TUSC3: variants seen among roughly 807,000 people sequenced by gnomAD.
TUSC3 encodes the protein dolichyl-diphosphooligosaccharide--protein glycosyltransferase subunit TUSC3.
In TUSC3, 45 loss-of-function variants were observed where a neutral mutation model predicts 44.8. The ratio of observed to expected loss-of-function variants is 1.00; its 90% CI spans 0.79 to 1.29. The LOEUF is 1.29. Ranked by LOEUF, TUSC3 falls within the 50% of genes most tolerant of loss-of-function variation. The pLI, the probability that TUSC3 is intolerant of heterozygous loss-of-function variation, is 0.00. For synonymous variants in TUSC3, 212 were observed against 152.9 expected (o/e 1.39, Z -2.85); for missense variants, 519 against 437.9 (o/e 1.19, Z -1.65).
intron 9 of TUSC3, among the ~76,000 whole-genome samples, chr8:15,755,496 C>G (rs181023511): frequency 4.3e-4 from 66 of 152,104 alleles, no homozygotes; most frequent in African/African-American, 1.6e-3. Context: ...AAGATTTTCC[C>G]TGAACCTTTT....
Position 15,623,261 on chromosome 8 carries a change from AATTAAAAAAT to A in TUSC3, c.308+21_308+30del. The stretch of plus-strand genomic sequence containing the variant: ...TGTTCTGTGTGCAGGTAATTTATGT[AATTAAAAAAT>A]ATTAAAAACTATTATTCTTGGTTTA... On this transcript the variant is annotated intron_variant, in intron 2 of 10. Coordinates refer to ENST00000503731, the MANE Select transcript of TUSC3 (RefSeq NM_006765.4). The A allele has an allele frequency of 6.4e-7, 1 of 1,572,858 alleles. No homozygotes were observed. Among genetic ancestry groups the A allele is most frequent in the Non-Finnish European group, 8.6e-7 (1 of 1,162,274 alleles).
intron 1 of TUSC3, among the ~76,000 whole-genome samples, chr8:15,552,331 T>C (rs777529800): frequency 1.3e-5 from 2 of 151,714 alleles, no homozygotes; most frequent in Non-Finnish European, 2.9e-5. Flanking sequence ...GTTAGGTAGG[T>C]ACAGTGCTGG....
At chr8:15,770,900 C>T (rs989195688), downstream of TUSC3, among the ~76,000 whole-genome samples, 43 of 152,066 alleles carry the variant, frequency 2.8e-4, no homozygotes, top group African/African-American at 9.7e-4. Flanking sequence ...GACATGAAGC[C>T]AATATCCAAG....
intron 1 of TUSC3, among the ~76,000 whole-genome samples, chr8:15,434,791 T>A (rs2129117413): frequency 6.6e-6 from 1 of 151,914 alleles, no homozygotes; most frequent in South Asian, 2.1e-4. Context: ...TGGTGTTTGG[T>A]TTTTTGTGCT....
rs151044148 is a variant in TUSC3 at position 15,674,017 on chromosome 8, T to C, written c.798+181T>C. Among the ~76,000 whole-genome samples, 27 of 152,010 alleles carry C rather than the reference T, an allele frequency of 1.8e-4. 1 individual carries two copies. Among genetic ancestry groups the C allele is most frequent in the Admixed American group, 1.8e-3 (27 of 15,238 alleles). ...GTGCATACACACACACACACAATAT[T>C]ACTTTTGTTAGGATGAGGGCTGCTT... On this transcript the variant is annotated intron_variant, in intron 6 of 10. Transcript: ENST00000503731.
At chr8:15,417,860 G>A (rs1258229094) in intron 1 of TUSC3, among the ~76,000 whole-genome samples, 1 of 152,056 alleles carries the variant, frequency 6.6e-6, no homozygotes, top group East Asian at 1.9e-4. Context: ...TTCACTCTCA[G>A]TATGGAGCTG....
Position 15,540,296 on chromosome 8 carries a change from G to C in TUSC3, c.-135G>C. 1.6e-6 allele frequency: 2 copies of C among 1,255,414 alleles called. No individual in the cohort carries two copies. The highest frequency in any genetic ancestry group is 2.1e-6 in the Non-Finnish European group (2 of 970,640). The allele number at this position is 1,255,414 out of a possible 1,614,324, so 77.8% of individuals were successfully genotyped here. Reference sequence around the variant, plus strand: ...CCTCTGCGTCCTCGGCCGCGGCCCGGGTCCCTCGCAAAGCCGCTGCCATCC... The same window carrying C: ...CCTCTGCGTCCTCGGCCGCGGCCCGCGTCCCTCGCAAAGCCGCTGCCATCC... On this transcript the variant is annotated 5_prime_UTR_variant, in exon 1 of 11. Transcript: ENST00000503731.
At chr8:15,786,144 C>G in the TUSC3 span, among the ~76,000 whole-genome samples, 3 of 152,082 alleles carry the variant, frequency 2.0e-5, no homozygotes, top group Admixed American at 6.6e-5. Flanking sequence ...ATACTATACT[C>G]CAGTTTAAGA....
chr8:15,480,032 A>G (rs1334019476), intron 1 of TUSC3, among the ~76,000 whole-genome samples: 1 of 152,174 alleles, frequency 6.6e-6, no homozygotes, highest in Non-Finnish European at 1.5e-5. Context: ...CCAAATCATG[A>G]ATGAATGCCC....
chr8:15,483,322 TGTTG>T (rs1800688330), intron 1 of TUSC3: 1 of 222,344 alleles, frequency 4.5e-6, no homozygotes, highest in African/African-American at 2.3e-5. Context: ...CTGTTTTTGT[TGTTG>T]TTGTTGTTGT....
intron 6 of TUSC3, among the ~76,000 whole-genome samples, chr8:15,687,711 T>A (rs923825732): frequency 6.6e-6 from 1 of 152,200 alleles, no homozygotes; most frequent in African/African-American, 2.4e-5. Flanking sequence ...ACCTTGTGAT[T>A]TGTACCCTTA....
the TUSC3 span, among the ~76,000 whole-genome samples, chr8:15,814,669 C>A: frequency 6.6e-6 from 1 of 152,142 alleles, no homozygotes; most frequent in Non-Finnish European, 1.5e-5. Context: ...TTTCTATTAT[C>A]TAAAGAGTTG....
intron 6 of TUSC3, among the ~76,000 whole-genome samples, chr8:15,687,695 C>T (rs530478150): frequency 1.1e-4 from 16 of 152,266 alleles, no homozygotes; most frequent in East Asian, 7.7e-4. Flanking sequence ...TTAATTACAA[C>T]GAAGAACCTT....
intron 1 of TUSC3, among the ~76,000 whole-genome samples, chr8:15,551,125 T>A (rs4577959): frequency 4.0e-5 from 6 of 151,782 alleles, no homozygotes; most frequent in African/African-American, 1.4e-4. Flanking sequence ...AGATCAGGAT[T>A]TCTGAACATG....
chr8:15,458,021 G>C (rs1213683623), intron 1 of TUSC3, among the ~76,000 whole-genome samples: 2 of 151,720 alleles, frequency 1.3e-5, no homozygotes, highest in Non-Finnish European at 1.5e-5. Context: ...AAGTTAAAAA[G>C]GCCAAATAAT....
intron 2 of TUSC3, among the ~76,000 whole-genome samples, chr8:15,649,516 G>C (rs1483716104): frequency 6.6e-6 from 1 of 151,690 alleles, no homozygotes. Context: ...CCTGGGAGGC[G>C]GAGCTTGCAG....
At chr8:15,595,147 G>A (rs1396404039) in intron 1 of TUSC3, among the ~76,000 whole-genome samples, 1 of 152,226 alleles carries the variant, frequency 6.6e-6, no homozygotes, top group South Asian at 2.1e-4. Context: ...AGAAAAATAC[G>A]GAAAGCTGGG....
chr8:15,595,428 C>G (rs894675978), intron 1 of TUSC3, among the ~76,000 whole-genome samples: 1 of 152,166 alleles, frequency 6.6e-6, no homozygotes, highest in Admixed American at 6.5e-5. Flanking sequence ...TACTCTCCCT[C>G]TCTGTGCTGT....
the TUSC3 span, among the ~76,000 whole-genome samples, chr8:15,783,373 T>C: frequency 6.6e-6 from 1 of 151,964 alleles, no homozygotes; most frequent in Non-Finnish European, 1.5e-5. Flanking sequence ...GAAAAACAAA[T>C]CCTAAAATGT....
Sources: gnomAD v4.1 joint callset for allele counts (sites outside exome capture counted in the v4.1 genomes callset) on GRCh38, gnomAD v4.1.1 for gene constraint, MANE v1.5 for transcripts, NCBI Gene and HGNC (gene_info 2026-07-23, HGNC 2026-07-21) for gene names.